Variants in MITF observed in about 807,000 individuals in gnomAD.
The protein encoded by MITF is microphthalmia-associated transcription factor.
Under a neutral mutation model 60.5 loss-of-function variants are expected in MITF, and 17 were observed. The observed-to-expected ratio is 0.28, with a 90% CI of 0.19 to 0.42. The LOEUF is 0.42. MITF is among the 10% of genes least tolerant of loss of function. The pLI is 1.00. For missense variants in MITF, 622 were observed against 683.5 expected (o/e 0.91, Z 1.00); for synonymous variants, 260 against 248.5 (o/e 1.05, Z -0.43).
rs1293682314 is a variant in MITF, at chr3:69,852,859, A to T, written c.105-26275A>T. On this transcript the variant is annotated intron_variant, in intron 1 of 9. Coordinates refer to ENST00000352241, the MANE Select transcript of MITF (RefSeq NM_001354604.2). ...CCTTTCATTTTACTGAAGAATACGT[A>T]GTGTTTTTTTGATAGGGATGGTGAG... Among the ~76,000 whole-genome samples the T allele has an allele frequency of 2.0e-5, 3 of 152,148 alleles. No individual in the cohort carries two copies. The South Asian group carries it at 6.2e-4, about 32-fold the overall frequency.
intron 1 of MITF, among the ~76,000 whole-genome samples, chr3:69,852,784 C>G (rs889037860): frequency 4.6e-5 from 7 of 152,208 alleles, no homozygotes; most frequent in African/African-American, 1.7e-4. Context: ...GGAGCAGCAT[C>G]TGAGTGTGCC....
intron 2 of MITF, among the ~76,000 whole-genome samples, chr3:69,888,866 G>A (rs2064687554): frequency 6.6e-6 from 1 of 151,818 alleles, no homozygotes; most frequent in Non-Finnish European, 1.5e-5. Context: ...TCTTGGTGAA[G>A]AGAAAAGGGG....
In MITF at chr3:69,758,116, T is replaced by TGC. The variant is rs1302335827; in HGVS notation, c.104+18416_104+18417dup. On this transcript the variant is annotated intron_variant, in intron 1 of 9. Coordinates refer to ENST00000352241, the MANE Select transcript of MITF (RefSeq NM_001354604.2). ...TATATATATATATAAATATATCATA[T>TGC]GCACACACACACACACACACACACA... Among the ~76,000 whole-genome samples the TGC allele has an allele frequency of 1.5e-4, 21 of 139,096 alleles. 1 individual carries two copies. Among genetic ancestry groups the TGC allele is most frequent in the African/African-American group, 5.9e-4 (21 of 35,804 alleles). The allele number at this position is 139,096 out of a possible 152,430, so 91.3% of individuals were successfully genotyped here.
At chr3:69,954,908 G>C (rs1333698542) in intron 7 of MITF, among the ~76,000 whole-genome samples, 1 of 152,158 alleles carries the variant, frequency 6.6e-6, no homozygotes, top group Non-Finnish European at 1.5e-5. Flanking sequence ...GGAACAAAAA[G>C]AAGCATATAT....
At position 69,939,238 on chromosome 3, in the gene MITF, G is replaced by A; in HGVS notation, c.666+57G>A. On this transcript the variant is annotated intron_variant, in intron 4 of 9. Coordinates refer to ENST00000352241, the MANE Select transcript of MITF (RefSeq NM_001354604.2). ...CACTTTGTAATGAGAATCTATATTTGTGGTGGATCACACCTTCCTGAAAAC... is the reference window on the plus strand; with the variant it reads ...CACTTTGTAATGAGAATCTATATTTATGGTGGATCACACCTTCCTGAAAAC... 3.4e-6 allele frequency: 5 copies of A among 1,478,726 alleles called. No homozygotes were observed. The South Asian group carries it at 5.8e-5, about 17-fold the overall frequency. 91.6% of individuals were successfully genotyped at this position (1,478,726 alleles called of 1,614,324 possible). A position where few individuals can be genotyped will look rare whatever the true frequency, so the allele number is the denominator to read the frequency against.
chr3:69,960,986 C>T (rs770252304), intron 9 of MITF, among the ~76,000 whole-genome samples: 1 of 152,172 alleles, frequency 6.6e-6, no homozygotes, highest in Non-Finnish European at 1.5e-5. Flanking sequence ...GCCCTCCTTT[C>T]CCCTCCCCTC....
intron 2 of MITF, among the ~76,000 whole-genome samples, chr3:69,903,852 T>G (rs2065043261): frequency 6.6e-6 from 1 of 152,138 alleles, no homozygotes; most frequent in Admixed American, 6.6e-5. Flanking sequence ...ACTCTGCTGC[T>G]CCCATGCACT....
chr3:69,965,444 A>G lies in MITF; in HGVS notation c.*196A>G, dbSNP rs1256816834. 14 of 568,848 alleles carry G rather than the reference A, an allele frequency of 2.5e-5. 1 individual carries two copies. Among genetic ancestry groups the G allele is most frequent in the East Asian group, 9.0e-5 (3 of 33,476 alleles). The allele number at this position is 568,848 out of a possible 1,614,324, so 35.2% of individuals were successfully genotyped here. A position where few individuals can be genotyped will look rare whatever the true frequency, so the allele number is the denominator to read the frequency against. On this transcript the variant is annotated 3_prime_UTR_variant, in exon 10 of 10. Transcript: ENST00000352241. ...TTGTATATTCTATTTTACAACTACA[A>G]ATGCCTCCAAAGTATTGTACAAATA...
intron 2 of MITF, among the ~76,000 whole-genome samples, chr3:69,934,993 A>G (rs2065801164): frequency 6.6e-6 from 1 of 152,190 alleles, no homozygotes; most frequent in South Asian, 2.1e-4. Context: ...GGCTGGACTC[A>G]TATTCCCACA....
intron 1 of MITF, among the ~76,000 whole-genome samples, chr3:69,800,199 T>C (rs1221870258): frequency 1.3e-5 from 2 of 152,232 alleles, no homozygotes; most frequent in Non-Finnish European, 2.9e-5. Context: ...AATGGGATTA[T>C]ACATTATGTG....
chr3:69,840,917 A>G (rs1327664157), intron 1 of MITF, among the ~76,000 whole-genome samples: 2 of 151,978 alleles, frequency 1.3e-5, no homozygotes, highest in Non-Finnish European at 2.9e-5. Flanking sequence ...CACCATGCCC[A>G]GCTAAGTTTT....
In MITF at chr3:69,855,256, T is replaced by C. The variant is rs1005689057; in HGVS notation, c.105-23878T>C. On this transcript the variant is annotated intron_variant, in intron 1 of 9. Transcript: ENST00000352241. The stretch of plus-strand genomic sequence containing the variant: ...ATTTAAAAATTGCTTCCATTTCCCA[T>C]AAGCAAAAAAAAAAAAAAAAAAACA... Among the ~76,000 whole-genome samples, 47 of 20,540 alleles carry C rather than the reference T, an allele frequency of 2.3e-3. No homozygotes were observed. The East Asian group carries it at 0.039, about 17-fold the overall frequency. 13.5% of individuals were successfully genotyped at this position (20,540 alleles called of 152,430 possible).
chr3:69,811,337 G>A (rs57634646), intron 1 of MITF, among the ~76,000 whole-genome samples: 24,898 of 152,182 alleles, frequency 0.16, 2,200 homozygotes, highest in South Asian at 0.21. Flanking sequence ...CAAGTTTGAT[G>A]ATAGGTTTCC....
At chr3:69,952,207 G>A (rs993590047) in intron 7 of MITF, among the ~76,000 whole-genome samples, 1 of 151,856 alleles carries the variant, frequency 6.6e-6, no homozygotes, top group Non-Finnish European at 1.5e-5. Flanking sequence ...AATTATAAGT[G>A]TTGCTCACAC....
chr3:69,905,082 A>G (rs566712740), intron 2 of MITF, among the ~76,000 whole-genome samples: 1 of 152,306 alleles, frequency 6.6e-6, no homozygotes, highest in South Asian at 2.1e-4. Context: ...CAAGAAAATT[A>G]ACATATCCTT....
chr3:69,911,316 C>G (rs1476660225), intron 2 of MITF, among the ~76,000 whole-genome samples: 4 of 152,064 alleles, frequency 2.6e-5, no homozygotes, highest in Non-Finnish European at 5.9e-5. Context: ...TGAAAACGGA[C>G]CAGTATAGAT....
chr3:69,924,685 T>TG (rs780974356), intron 2 of MITF, among the ~76,000 whole-genome samples: 72 of 152,220 alleles, frequency 4.7e-4, no homozygotes, highest in Non-Finnish European at 1.0e-3. Flanking sequence ...TCTCGTAGTT[T>TG]GTTCAACCTC....
intron 2 of MITF, among the ~76,000 whole-genome samples, chr3:69,907,117 T>C (rs902798479): frequency 6.6e-6 from 1 of 152,140 alleles, no homozygotes; most frequent in Non-Finnish European, 1.5e-5. Context: ...CCTCTCCCCT[T>C]TCCCTCCATA....
At chr3:69,850,345 A>T (rs948624898) in intron 1 of MITF, among the ~76,000 whole-genome samples, 1 of 152,212 alleles carries the variant, frequency 6.6e-6, no homozygotes, top group African/African-American at 2.4e-5. Context: ...CAAGTGATAC[A>T]GTCTCTTAAA....
Sources: gnomAD v4.1 joint callset for allele counts (sites outside exome capture counted in the v4.1 genomes callset) on GRCh38, gnomAD v4.1.1 for gene constraint, MANE v1.5 for transcripts, NCBI Gene and HGNC (gene_info 2026-07-23, HGNC 2026-07-21) for gene names.